The following RAD54L2 variants were observed in gnomAD, a reference collection of about 807,000 sequenced individuals.
The protein encoded by RAD54L2 is helicase ARIP4.
RAD54L2 carries 27 observed loss-of-function variants against 138.4 expected under a neutral mutation model. The observed-to-expected ratio is 0.20, with a 90% CI of 0.14 to 0.27. The LOEUF is 0.27. Ranked by LOEUF, RAD54L2 falls within the 10% of genes least tolerant of loss-of-function variation. RAD54L2 has a pLI of 1.00. For missense variants in RAD54L2, 1,396 were observed against 1,890.2 expected (o/e 0.74, Z 4.85); for synonymous variants, 644 against 723.2 (o/e 0.89, Z 1.76).
intron 9 of RAD54L2, 46 bp from the exon 10 acceptor site, chr3:51,635,547 G>C (rs1700964509): frequency 6.5e-7 from 1 of 1,535,642 alleles, no homozygotes; most frequent in Middle Eastern, 1.7e-4. Context: ...AATAATTCTT[G>C]AGATATAATT....
chr3:51,635,523 G>T, intron 9 of RAD54L2, 70 bp from the exon 10 acceptor site: 2 of 1,448,910 alleles, frequency 1.4e-6, no homozygotes, highest in East Asian at 2.4e-5. Context: ...TTCTTCCTTG[G>T]GAGCAGCAGA....
chr3:51,574,280 A>C (rs184278902), intron 2 of RAD54L2, among the ~76,000 whole-genome samples: 1 of 152,176 alleles, frequency 6.6e-6, no homozygotes, highest in East Asian at 1.9e-4. Context: ...AGTCTTTGCT[A>C]TTGTGAATAG....
intron 16 of RAD54L2, 92 bp from the exon 17 acceptor site, chr3:51,644,932 T>G (rs115696119): frequency 1.6e-6 from 2 of 1,262,494 alleles, no homozygotes; most frequent in Non-Finnish European, 2.3e-6. Flanking sequence ...TAGGACAGAG[T>G]AATATTGGGG....
intron 2 of RAD54L2, among the ~76,000 whole-genome samples, chr3:51,548,593 T>C (rs1423022277): frequency 6.6e-6 from 1 of 152,200 alleles, no homozygotes; most frequent in Non-Finnish European, 1.5e-5. Flanking sequence ...AGTGGCTTGC[T>C]TTCCAGTACA....
At chr3:51,634,325 T>G (rs1242371372) in intron 9 of RAD54L2, among the ~76,000 whole-genome samples, 1 of 151,512 alleles carries the variant, frequency 6.6e-6, no homozygotes, top group Admixed American at 6.6e-5. Context: ...GTAGTAAAAT[T>G]CAACACGAAA....
At chr3:51,555,307 T>C (rs1173903564) in intron 2 of RAD54L2, among the ~76,000 whole-genome samples, 1 of 152,184 alleles carries the variant, frequency 6.6e-6, no homozygotes, top group African/African-American at 2.4e-5. Flanking sequence ...TGATGTTATA[T>C]GTTTCCCTAA....
At chr3:51,659,919 C>A in intron 21 of RAD54L2, 107 bp from the exon 22 acceptor site, 1 of 705,988 alleles carries the variant, frequency 1.4e-6, no homozygotes, top group Non-Finnish European at 2.4e-6. Context: ...AGATGGTATA[C>A]CTAATTGTAT....
intron 9 of RAD54L2, 47 bp downstream of exon 9, chr3:51,634,082 T>C: frequency 6.3e-7 from 1 of 1,592,056 alleles, no homozygotes; most frequent in Non-Finnish European, 8.6e-7. Flanking sequence ...TTTAGACTTC[T>C]GTCCGTGATC....
intron 7 of RAD54L2, 149 bp from the exon 8 acceptor site, chr3:51,633,428 A>G (rs1422557853): frequency 1.1e-5 from 8 of 740,634 alleles, no homozygotes; most frequent in Non-Finnish European, 1.8e-5. Context: ...AGATCAGTCA[A>G]GGTACAGGGA....
Position 51,663,301 on chromosome 3 carries a change from G to A in RAD54L2, c.4285G>A (p.Gly1429Ser). 1 of 1,613,950 alleles carries A rather than the reference G, an allele frequency of 6.2e-7. No homozygotes were observed. Among genetic ancestry groups the A allele is most frequent in the African/African-American group, 1.3e-5 (1 of 74,998 alleles). ...YMSPHAGYPA[G>S]GLLRSQVPPF... ...GTCCCCACATGCAGGCTACCCAGCT[G>A]GTGGCCTCCTACGGTCCCAGGTGCC... The change falls in exon 23 of 23, where the codon GGT becomes AGT. Residue 1429 changes from glycine (G) to serine (S), a missense_variant. By Grantham distance (56) the Gly-to-Ser change is moderately conservative. Transcript: ENST00000684192.
At chr3:51,628,208 C>CA (rs1391127263) in intron 4 of RAD54L2, among the ~76,000 whole-genome samples, 1 of 151,922 alleles carries the variant, frequency 6.6e-6, no homozygotes, top group Non-Finnish European at 1.5e-5. Flanking sequence ...TTTAACTATC[C>CA]AAATCCCCAA....
chr3:51,620,679 G>A (rs1052533071), intron 3 of RAD54L2, among the ~76,000 whole-genome samples: 2 of 152,030 alleles, frequency 1.3e-5, no homozygotes, highest in African/African-American at 4.8e-5. Flanking sequence ...AGAAACTTAT[G>A]TAAGTGTTCT....
At chr3:51,546,755 G>A (rs1021422078) in intron 2 of RAD54L2, among the ~76,000 whole-genome samples, 4 of 147,852 alleles carry the variant, frequency 2.7e-5, no homozygotes, top group Non-Finnish European at 6.0e-5. Flanking sequence ...GAGGCCAGGC[G>A]CGGTGGCTCA....
chr3:51,641,739 T>C lies in RAD54L2; in HGVS notation c.2232-10T>C. 1 of 1,545,396 alleles carries C rather than the reference T, an allele frequency of 6.5e-7. No individual in the cohort carries two copies. Among genetic ancestry groups the C allele is most frequent in the Non-Finnish European group, 8.8e-7 (1 of 1,135,284 alleles). ...TGGGAGCCATCTGAACGAAATGTTT[T>C]CTGTTTCAGCCAGAGTCTTTCCACC... On this transcript the variant is annotated splice_polypyrimidine_tract_variant and intron_variant, in intron 14 of 22. Transcript: ENST00000684192.
chr3:51,560,044 T>C (rs182557710), intron 2 of RAD54L2, among the ~76,000 whole-genome samples: 46 of 150,906 alleles, frequency 3.0e-4, no homozygotes, highest in African/African-American at 9.9e-4. Flanking sequence ...ATTATGCCAG[T>C]TGTACAGATG....
intron 1 of RAD54L2, among the ~76,000 whole-genome samples, 47 bp downstream of exon 1, chr3:51,538,962 T>G (rs1270439585): frequency 6.6e-6 from 1 of 150,396 alleles, no homozygotes; most frequent in Non-Finnish European, 1.5e-5. Context: ...GGCCGCCGGG[T>G]CCCGCAACAA....
At chr3:51,544,753 C>G (rs1411861978) in intron 2 of RAD54L2, among the ~76,000 whole-genome samples, 1 of 152,110 alleles carries the variant, frequency 6.6e-6, no homozygotes, top group Non-Finnish European at 1.5e-5. Flanking sequence ...ACTATAGGTG[C>G]GCCACCATGC....
intron 2 of RAD54L2, among the ~76,000 whole-genome samples, chr3:51,582,735 T>C (rs560656387): frequency 5.9e-5 from 9 of 152,270 alleles, no homozygotes; most frequent in African/African-American, 2.2e-4. Context: ...ATTCAATGAC[T>C]TCCTACTTGA....
chr3:51,590,110 C>T (rs1467816402), intron 2 of RAD54L2, among the ~76,000 whole-genome samples: 1 of 152,148 alleles, frequency 6.6e-6, no homozygotes, highest in Non-Finnish European at 1.5e-5. Context: ...CATGCCTCAG[C>T]CACCTGAGTA....
Sources: allele counts gnomAD v4.1 joint callset (sites outside exome capture counted in the v4.1 genomes callset), GRCh38; gene constraint gnomAD v4.1.1; transcripts MANE v1.5; gene names NCBI Gene and HGNC (gene_info 2026-07-23, HGNC 2026-07-21).